Variants in SNCAIP observed in about 807,000 individuals in gnomAD.
SNCAIP encodes the protein synphilin-1.
In SNCAIP, 43 loss-of-function variants were observed where a neutral mutation model predicts 86.7. The observed-to-expected ratio is 0.50, with a 90% CI of 0.39 to 0.64. SNCAIP has a LOEUF of 0.64. Among genes scored for constraint, SNCAIP ranks in the 30% least tolerant of loss-of-function variants. SNCAIP has a pLI of 0.00. For missense variants in SNCAIP, 981 were observed against 1,103.1 expected, an observed-to-expected ratio of 0.89 and a Z score of 1.57; for synonymous variants, 417 against 427.2, an observed-to-expected ratio of 0.98 and a Z score of 0.29.
At chr5:122,368,368 G>A (rs1406587832) in intron 1 of SNCAIP, among the ~76,000 whole-genome samples, 2 of 152,126 alleles carry the variant, frequency 1.3e-5, no homozygotes, top group African/African-American at 2.4e-5. Context: ...TGTACTTGCA[G>A]AACTTTTCGT....
At chr5:122,362,961 A>G (rs1417074272) in intron 1 of SNCAIP, among the ~76,000 whole-genome samples, 7 of 150,434 alleles carry the variant, frequency 4.7e-5, no homozygotes, top group Admixed American at 4.6e-4. Context: ...AAAACATTAG[A>G]TTGAGTTTCC....
intron 3 of SNCAIP, among the ~76,000 whole-genome samples, chr5:122,421,087 G>A (rs961157083): frequency 6.6e-6 from 1 of 152,188 alleles, no homozygotes; most frequent in Non-Finnish European, 1.5e-5. Flanking sequence ...GAGAACTAAA[G>A]CCAGCAAAAG....
At chr5:122,347,502 A>G (rs1176157221) in intron 1 of SNCAIP, among the ~76,000 whole-genome samples, 3 of 151,638 alleles carry the variant, frequency 2.0e-5, no homozygotes, top group African/African-American at 7.3e-5. Flanking sequence ...ATGTGGGCAC[A>G]TGTGTACAGC....
intron 1 of SNCAIP, chr5:122,323,504 C>T (rs571801667): frequency 1.8e-4 from 28 of 152,270 alleles, no homozygotes; most frequent in South Asian, 6.2e-4. Context: ...CATTTCATGC[C>T]GTGGAAGTCC....
At chr5:122,413,084 G>C (rs1774489652) in intron 3 of SNCAIP, among the ~76,000 whole-genome samples, 2 of 152,180 alleles carry the variant, frequency 1.3e-5, no homozygotes, top group Admixed American at 6.5e-5. Flanking sequence ...TACCAAAGCA[G>C]CTGCTGAGAG....
intron 1 of SNCAIP, among the ~76,000 whole-genome samples, chr5:122,379,642 T>G (rs1260407117): frequency 6.6e-6 from 1 of 151,770 alleles, no homozygotes; most frequent in East Asian, 1.9e-4. Flanking sequence ...ATGCTTCCAG[T>G]TTTTGCCCAT....
At chr5:122,457,003 T>G (rs1784913074) in intron 10 of SNCAIP, among the ~76,000 whole-genome samples, 1 of 151,118 alleles carries the variant, frequency 6.6e-6, no homozygotes, top group Admixed American at 6.6e-5. Context: ...ATTTTTGTTT[T>G]GTTTTGTTTT....
intron 3 of SNCAIP, among the ~76,000 whole-genome samples, chr5:122,421,652 T>C (rs1027467260): frequency 1.3e-5 from 2 of 152,200 alleles, no homozygotes; most frequent in Non-Finnish European, 2.9e-5. Flanking sequence ...TCCCTAGTTG[T>C]AGGGCATGCC....
At chr5:122,397,746 A>T (rs1440816241) in intron 2 of SNCAIP, among the ~76,000 whole-genome samples, 1 of 152,148 alleles carries the variant, frequency 6.6e-6, no homozygotes. Flanking sequence ...CTGTGAAAAC[A>T]TGGAATGTGG....
chr5:122,363,030 G>T (rs1049933777), intron 1 of SNCAIP, among the ~76,000 whole-genome samples: 1 of 129,864 alleles, frequency 7.7e-6, no homozygotes, highest in Non-Finnish European at 1.6e-5. Context: ...GAGTTTCGCT[G>T]TTGGTGCCCA....
At position 122,450,918 on chromosome 5, in the gene SNCAIP, A is replaced by T; in HGVS notation, c.2071A>T (p.Thr691Ser). The T allele has an allele frequency of 6.2e-7, 1 of 1,614,024 alleles. No individual in the cohort carries two copies. Among genetic ancestry groups the T allele is most frequent in the Non-Finnish European group, 8.5e-7 (1 of 1,179,994 alleles). ...DSNNSEDPKT[T>S]PVRKADRPRP... ...CAACAACTCTGAGGACCCCAAGACTACCCCAGTGAGGAAGGCTGACCGACC... is the reference window on the plus strand; with the variant it reads ...CAACAACTCTGAGGACCCCAAGACTTCCCCAGTGAGGAAGGCTGACCGACC... Residue 691 changes from threonine to serine, a missense_variant, in exon 10 of 11, where the codon ACC becomes TCC. Transcript: ENST00000261368.
In SNCAIP at chr5:122,378,249, G is replaced by A. The variant is rs1188549468; in HGVS notation, c.-46-12840G>A. On this transcript the variant is annotated intron_variant, in intron 1 of 10. Coordinates refer to ENST00000261368, the MANE Select transcript of SNCAIP (RefSeq NM_005460.4). ...TCGCCATTCTAACTGGTGTGAGATG[G>A]TATCTCATTGTGGTTTTGATTTGCA... is the stretch of plus-strand genomic sequence containing the variant. 2.1e-5 allele frequency among the ~76,000 whole-genome samples: 3 copies of A among 144,978 alleles called. 1 individual carries two copies. Among genetic ancestry groups the A allele is most frequent in the East Asian group, 4.2e-4 (2 of 4,818 alleles).
chr5:122,400,165 G>A (rs891567394), intron 2 of SNCAIP, among the ~76,000 whole-genome samples: 1 of 152,148 alleles, frequency 6.6e-6, no homozygotes, highest in South Asian at 2.1e-4. Flanking sequence ...GGCAACCACC[G>A]AGAATTTGTT....
chr5:122,397,188 G>A (rs1181417364), intron 2 of SNCAIP, among the ~76,000 whole-genome samples: 3 of 152,094 alleles, frequency 2.0e-5, no homozygotes, highest in Non-Finnish European at 2.9e-5. Context: ...AATGCAGGTA[G>A]TCTGACTCTA....
At chr5:122,315,398 A>C (rs1388440943) in intron 1 of SNCAIP, among the ~76,000 whole-genome samples, 1 of 152,198 alleles carries the variant, frequency 6.6e-6, no homozygotes, top group Non-Finnish European at 1.5e-5. Context: ...CCTGCAATGC[A>C]AAAGCAACTT....
intron 1 of SNCAIP, among the ~76,000 whole-genome samples, chr5:122,333,731 G>C (rs1424345892): frequency 6.6e-6 from 1 of 152,238 alleles, no homozygotes; most frequent in Non-Finnish European, 1.5e-5. Context: ...TCAAGACAGA[G>C]CTTACTATAT....
chr5:122,420,597 A>G (rs967538996), intron 3 of SNCAIP, among the ~76,000 whole-genome samples: 1 of 148,462 alleles, frequency 6.7e-6, no homozygotes, highest in African/African-American at 2.5e-5. Flanking sequence ...TTTTTTTTCC[A>G]TTTTATTTAA....
At chr5:122,416,239 G>T (rs753959834) in intron 3 of SNCAIP, among the ~76,000 whole-genome samples, 1 of 152,054 alleles carries the variant, frequency 6.6e-6, no homozygotes, top group African/African-American at 2.4e-5. Flanking sequence ...AACATGAATC[G>T]GACACATTCA....
Position 122,432,102 on chromosome 5 carries a change from G to C in SNCAIP, c.1296+20G>C, listed in dbSNP as rs778669025. The C allele has an allele frequency of 9.9e-7, 1 of 1,006,112 alleles. No homozygotes were observed. Among genetic ancestry groups the C allele is most frequent in the Non-Finnish European group, 1.6e-6 (1 of 625,796 alleles). The allele number at this position is 1,006,112 out of a possible 1,614,324, so 62.3% of individuals were successfully genotyped here. ...GGCCAGGTATGAAGGAGTTTTTTAA[G>C]TATCTTCCCTTTGTGTACCATATAA... On this transcript the variant is annotated intron_variant, in intron 6 of 10. Transcript: ENST00000261368.
Sources: gnomAD v4.1 joint callset for allele counts (sites outside exome capture counted in the v4.1 genomes callset) on GRCh38, gnomAD v4.1.1 for gene constraint, MANE v1.5 for transcripts, NCBI Gene and HGNC (gene_info 2026-07-23, HGNC 2026-07-21) for gene names.